ABCB1: variants seen among roughly 807,000 people sequenced by gnomAD.
The protein encoded by ABCB1 is ATP-dependent translocase ABCB1.
ABCB1 carries 69 observed loss-of-function variants against 142.0 expected under a neutral mutation model. The ratio of observed to expected loss-of-function variants is 0.49; its 90% CI spans 0.40 to 0.59. The LOEUF (loss-of-function observed/expected upper bound fraction) is 0.59. Among genes scored for constraint, ABCB1 ranks in the 20% least tolerant of loss-of-function variants. The probability of loss-of-function intolerance (pLI) is 0.00; values close to 1 mark genes in which losing one functional copy is unlikely to be tolerated. For missense variants in ABCB1, 1,326 were observed against 1,554.7 expected, an observed-to-expected ratio of 0.85 and a Z score of 2.47; for synonymous variants, 532 against 539.2, an observed-to-expected ratio of 0.99 and a Z score of 0.18.
intron 1 of ABCB1, among the ~76,000 whole-genome samples, chr7:87,679,338 C>T (rs1212492049): frequency 6.7e-6 from 1 of 149,582 alleles, no homozygotes; most frequent in Non-Finnish European, 1.5e-5. Flanking sequence ...CGTGATCCAC[C>T]CACCTTGGCC....
At chr7:87,593,548 A>T (rs186362631) in intron 3 of ABCB1, among the ~76,000 whole-genome samples, 1 of 152,344 alleles carries the variant, frequency 6.6e-6, no homozygotes, top group East Asian at 1.9e-4. Flanking sequence ...CTTGGCTGGA[A>T]CTTGGATTTG....
chr7:87,570,127 T>C, intron 5 of ABCB1, 45 bp downstream of exon 5: 4 of 1,537,190 alleles, frequency 2.6e-6, no homozygotes, highest in Non-Finnish European at 3.6e-6. Context: ...TACAACTTGA[T>C]GAATATAGAA....
intron 21 of ABCB1, among the ~76,000 whole-genome samples, chr7:87,527,767 A>G (rs1815850981): frequency 6.6e-6 from 1 of 152,200 alleles, no homozygotes; most frequent in African/African-American, 2.4e-5. Flanking sequence ...CAGGTACAAC[A>G]CTTGAACTCA....
chr7:87,684,921 T>C (rs746716245), intron 1 of ABCB1, among the ~76,000 whole-genome samples: 1 of 152,006 alleles, frequency 6.6e-6, no homozygotes, highest in African/African-American at 2.4e-5. Context: ...AAAAAAAAAG[T>C]GAACCTTGTT....
intron 21 of ABCB1, among the ~76,000 whole-genome samples, chr7:87,530,915 A>T (rs989398204): frequency 2.6e-5 from 4 of 151,848 alleles, no homozygotes; most frequent in Non-Finnish European, 2.9e-5. Context: ...GAAGGAAGGA[A>T]AAAAGGAAAG....
At position 87,566,974 on chromosome 7, in the gene ABCB1, T is replaced by C. The variant is rs374713722; in HGVS notation, c.341A>G (p.Tyr114Cys). 1 of 1,613,896 alleles carries C rather than the reference T, an allele frequency of 6.2e-7. No homozygotes were observed. The highest frequency in any genetic ancestry group is 2.2e-5 in the East Asian group (1 of 44,896). ...ACCAATTCCACTGTAATAATAGGCA[T>C]ACCTGAAAAACAACAAGAACACTGC... is the stretch of plus-strand genomic sequence containing the variant. ...FMNLEEDMTR[Y>C]AYYYSGIGAG... is the part of the protein sequence containing the mutation. Residue 114 changes from tyrosine (Y) to cysteine (C), a missense_variant and splice_region_variant, in exon 6 of 28, where the codon TAT becomes TGT. Transcript: ENST00000622132.
chr7:87,558,826 C>A (rs897899419), intron 8 of ABCB1, among the ~76,000 whole-genome samples: 3 of 151,916 alleles, frequency 2.0e-5, no homozygotes, highest in Admixed American at 2.0e-4. Flanking sequence ...CCTTACATCA[C>A]AACAAATTTT....
At chr7:87,546,722 G>A (rs934657899) in intron 14 of ABCB1, among the ~76,000 whole-genome samples, 41 of 151,938 alleles carry the variant, frequency 2.7e-4, no homozygotes, top group South Asian at 2.1e-4. Flanking sequence ...ATCCTATCCC[G>A]CATGACCCCC....
chr7:87,707,618 G>A (rs762342748), intron 1 of ABCB1, among the ~76,000 whole-genome samples: 7 of 152,032 alleles, frequency 4.6e-5, no homozygotes, highest in Admixed American at 6.6e-5. Flanking sequence ...AGGTTGCAGT[G>A]AGCTTAGATC....
At chr7:87,608,156 T>C (rs1031380626) in intron 1 of ABCB1, among the ~76,000 whole-genome samples, 7 of 152,208 alleles carry the variant, frequency 4.6e-5, no homozygotes, top group Non-Finnish European at 1.0e-4. Context: ...TAACCCAACA[T>C]TGCAGTAAAG....
intron 1 of ABCB1, among the ~76,000 whole-genome samples, chr7:87,694,224 G>A (rs934110861): frequency 7.9e-5 from 12 of 151,690 alleles, no homozygotes; most frequent in Non-Finnish European, 5.9e-5. Flanking sequence ...TAAATATTAC[G>A]TGTGAAGTAG....
intron 1 of ABCB1, among the ~76,000 whole-genome samples, chr7:87,617,832 A>G (rs891610835): frequency 1.3e-5 from 2 of 152,152 alleles, no homozygotes; most frequent in African/African-American, 4.8e-5. Flanking sequence ...AAAGATGAAA[A>G]TGTTTAATGT....
intron 1 of ABCB1, among the ~76,000 whole-genome samples, chr7:87,613,670 A>T (rs78413174): frequency 0.01 from 1,570 of 152,218 alleles, 30 homozygotes; most frequent in African/African-American, 0.036. Flanking sequence ...AGACATAAAG[A>T]TGTCAACAAT....
chr7:87,536,588 C>T, intron 19 of ABCB1, 47 bp from the exon 20 acceptor site: 2 of 1,579,894 alleles, frequency 1.3e-6, no homozygotes, highest in Non-Finnish European at 1.7e-6. Context: ...GTTTATGAGA[C>T]TCTCAGCTCC....
chr7:87,597,083 A>G (rs116884308), intron 2 of ABCB1, among the ~76,000 whole-genome samples: 28 of 152,204 alleles, frequency 1.8e-4, no homozygotes, highest in Non-Finnish European at 3.4e-4. Context: ...GAAGAGTGAG[A>G]AGAGTTAACT....
At chr7:87,630,820 G>GTAA (rs1217460061) in intron 1 of ABCB1, among the ~76,000 whole-genome samples, 2 of 151,804 alleles carry the variant, frequency 1.3e-5, no homozygotes, top group East Asian at 3.9e-4. Context: ...TTTAGGTCAT[G>GTAA]TAATGATCAT....
intron 1 of ABCB1, among the ~76,000 whole-genome samples, chr7:87,632,643 C>T (rs1038497160): frequency 3.9e-5 from 6 of 152,210 alleles, no homozygotes; most frequent in Admixed American, 1.3e-4. Flanking sequence ...AAGTTGTTAA[C>T]GCCCTTCAGA....
chr7:87,558,472 G>A (rs952612374), intron 8 of ABCB1, among the ~76,000 whole-genome samples: 5 of 152,034 alleles, frequency 3.3e-5, no homozygotes, highest in Non-Finnish European at 7.4e-5. Flanking sequence ...TGTGAATAAC[G>A]ACAGTTTTCT....
intron 1 of ABCB1, among the ~76,000 whole-genome samples, chr7:87,654,959 C>A (rs1269469797): frequency 6.6e-6 from 1 of 151,912 alleles, no homozygotes; most frequent in African/African-American, 2.4e-5. Context: ...CACTATACAG[C>A]AAATAGATGA....
Sources: gnomAD v4.1 joint callset for allele counts (sites outside exome capture counted in the v4.1 genomes callset) on GRCh38, gnomAD v4.1.1 for gene constraint, MANE v1.5 for transcripts, NCBI Gene and HGNC (gene_info 2026-07-23, HGNC 2026-07-21) for gene names.